The following NBAS variants were observed in gnomAD, a reference collection of about 807,000 sequenced individuals.
NBAS encodes NAG/BC035112 fusion.
Under a neutral mutation model 302.5 loss-of-function variants are expected in NBAS, and 219 were observed. That is an observed-to-expected ratio of 0.72 (90% CI 0.65 to 0.81). The LOEUF (loss-of-function observed/expected upper bound fraction) is 0.81, where lower values mean the gene tolerates loss of function less well. Ranked by LOEUF, NBAS falls within the 30% of genes least tolerant of loss-of-function variation. The probability of loss-of-function intolerance (pLI) is 0.00; values close to 1 mark genes in which losing one functional copy is unlikely to be tolerated. For missense variants in NBAS, 2,932 were observed against 2,841.6 expected (o/e 1.03, Z -0.72); for synonymous variants, 1,118 against 1,021.6 (o/e 1.09, Z -1.80).
At chr2:15,512,662 G>A (rs1005183500) in intron 9 of NBAS, among the ~76,000 whole-genome samples, 11 of 152,214 alleles carry the variant, frequency 7.2e-5, no homozygotes, top group African/African-American at 2.4e-4. Context: ...CCTGGCCACC[G>A]CTGGCTTTGA....
the NBAS span, among the ~76,000 whole-genome samples, chr2:14,851,543 C>G: frequency 3.7e-5 from 5 of 133,580 alleles, no homozygotes; most frequent in South Asian, 2.3e-4. Flanking sequence ...CTATTCCAAT[C>G]AATAGAAAAA....
chr2:14,895,739 C>CAAAAAAAAAAAAAAAAAAAAAAAAAAA, the NBAS span, among the ~76,000 whole-genome samples: 15 of 95,484 alleles, frequency 1.6e-4, no homozygotes, highest in Non-Finnish European at 2.0e-4. Flanking sequence ...GACTCCGTCT[C>CAAAAAAAAAAAAAAAAAAAAAAAAAAA]AAAAAAAAAA....
chr2:15,232,624 T>G, intron 46 of NBAS, 113 bp from the exon 47 acceptor site: 1 of 847,316 alleles, frequency 1.2e-6, no homozygotes, highest in Non-Finnish European at 1.9e-6. Flanking sequence ...GTATACTGCC[T>G]GCCCATAGTC....
chr2:15,477,983 C>T (rs1029201636), intron 13 of NBAS, among the ~76,000 whole-genome samples: 7 of 152,160 alleles, frequency 4.6e-5, no homozygotes, highest in African/African-American at 1.2e-4. Context: ...AAAAGGAGCA[C>T]GCTTCTAAGC....
chr2:14,996,371 G>A, the NBAS span, among the ~76,000 whole-genome samples: 10 of 152,264 alleles, frequency 6.6e-5, no homozygotes, highest in South Asian at 2.1e-3. Flanking sequence ...CTAGGGGTGT[G>A]ACAGAACTTA....
rs151194016 is a variant in NBAS, at chr2:15,516,040, C to T, written c.747-4690G>A. Among the ~76,000 whole-genome samples the T allele has an allele frequency of 1.8e-4, 28 of 152,200 alleles. No individual in the cohort carries two copies. In the East Asian group the frequency reaches 3.1e-3, roughly 17 times the overall value. Reference sequence around the variant, plus strand: ...AAAGGTGGGGTCACACTGTTTAAAACGGACAAAACAATGCTAAGCCAAGAA... The same window carrying T: ...AAAGGTGGGGTCACACTGTTTAAAATGGACAAAACAATGCTAAGCCAAGAA... On this transcript the variant is annotated intron_variant, in intron 9 of 51. Transcript: ENST00000281513.
At chr2:15,471,851 C>T (rs932375659) in intron 16 of NBAS, among the ~76,000 whole-genome samples, 7 of 152,064 alleles carry the variant, frequency 4.6e-5, no homozygotes, top group African/African-American at 1.7e-4. Context: ...AGGAGAGTGC[C>T]CTCACCAGGA....
intron 6 of NBAS, among the ~76,000 whole-genome samples, chr2:15,542,804 T>G (rs1385792628): frequency 6.6e-6 from 1 of 152,242 alleles, no homozygotes; most frequent in Non-Finnish European, 1.5e-5. Context: ...CACTACCATG[T>G]GATAACAGAT....
Position 15,535,269 on chromosome 2 carries a change from C to A in NBAS, c.648-628G>T, listed in dbSNP as rs145749254. Among the ~76,000 whole-genome samples, 722 of 152,224 alleles carry A rather than the reference C, an allele frequency of 4.7e-3. 8 individuals are homozygous for A. Among genetic ancestry groups the A allele is most frequent in the African/African-American group, 0.016 (671 of 41,544 alleles). On this transcript the variant is annotated intron_variant, in intron 8 of 51. Coordinates refer to ENST00000281513, the MANE Select transcript of NBAS (RefSeq NM_015909.4). Reference sequence around the variant, plus strand: ...AGGCGCAGTGGCTCACGCCTGTTATCCCAGCACTTTGGGAGGCCGAGGCGG... The same window carrying A: ...AGGCGCAGTGGCTCACGCCTGTTATACCAGCACTTTGGGAGGCCGAGGCGG...
At position 15,542,002 on chromosome 2, in the gene NBAS, T is replaced by TG. The variant is rs1373828896; in HGVS notation, c.380-2647dup. ...CCAGCCACCCCGTCCGGGAGGGAGG[T>TG]GGGGGGGTTCAGCCCCCCGCCCGGC... On this transcript the variant is annotated intron_variant, in intron 6 of 51. Coordinates refer to ENST00000281513, the MANE Select transcript of NBAS (RefSeq NM_015909.4). Among the ~76,000 whole-genome samples, 3 of 66,842 alleles carry TG rather than the reference T, an allele frequency of 4.5e-5. 1 individual carries two copies. Among genetic ancestry groups the TG allele is most frequent in the Non-Finnish European group, 6.8e-5 (2 of 29,220 alleles). 43.9% of individuals were successfully genotyped at this position (66,842 alleles called of 152,430 possible). A position where few individuals can be genotyped will look rare whatever the true frequency, so the allele number is the denominator to read the frequency against.
the NBAS span, among the ~76,000 whole-genome samples, chr2:14,884,427 G>C: frequency 6.6e-6 from 1 of 152,022 alleles, no homozygotes. Context: ...ACACTTCCTG[G>C]AACCTGGCCA....
intron 11 of NBAS, among the ~76,000 whole-genome samples, chr2:15,498,267 G>A (rs1385862207): frequency 1.3e-5 from 2 of 152,048 alleles, no homozygotes; most frequent in Non-Finnish European, 2.9e-5. Context: ...ACCTCACTTA[G>A]TTTTTCTAAT....
chr2:14,804,904 C>G, the NBAS span, among the ~76,000 whole-genome samples: 2 of 152,156 alleles, frequency 1.3e-5, no homozygotes, highest in Non-Finnish European at 2.9e-5. Context: ...TTATCAGCAT[C>G]CTTGTTTCCC....
At chr2:15,010,256 C>G in the NBAS span, among the ~76,000 whole-genome samples, 1 of 151,850 alleles carries the variant, frequency 6.6e-6, no homozygotes, top group African/African-American at 2.4e-5. Context: ...ATTTTTGGAC[C>G]AGATGATATG....
the NBAS span, among the ~76,000 whole-genome samples, chr2:15,123,883 G>C: frequency 6.6e-6 from 1 of 152,176 alleles, no homozygotes; most frequent in South Asian, 2.1e-4. Flanking sequence ...GAAGAGTAGG[G>C]CATTGCTGTA....
At chr2:15,252,167 G>T (rs888585414) in intron 44 of NBAS, among the ~76,000 whole-genome samples, 1 of 152,156 alleles carries the variant, frequency 6.6e-6, no homozygotes, top group South Asian at 2.1e-4. Flanking sequence ...CTACTTCACC[G>T]CTGTGAAATC....
chr2:14,966,742 G>C, the NBAS span, among the ~76,000 whole-genome samples: 5 of 152,294 alleles, frequency 3.3e-5, no homozygotes, highest in African/African-American at 1.2e-4. Flanking sequence ...CCAGTAGCAA[G>C]ACAGGGCTGT....
intron 1 of NBAS, 51 bp downstream of exon 1, chr2:15,561,137 C>G: frequency 6.4e-7 from 1 of 1,559,466 alleles, no homozygotes; most frequent in Non-Finnish European, 8.8e-7. Flanking sequence ...TGGCTCTACC[C>G]ACGAAGCGCC....
chr2:15,402,086 T>G, intron 26 of NBAS, 82 bp downstream of exon 26: 1 of 1,482,366 alleles, frequency 6.7e-7, no homozygotes, highest in East Asian at 2.3e-5. Context: ...TTCTCTAAGG[T>G]AAGCATTTGG....
Sources: allele counts gnomAD v4.1 joint callset (sites outside exome capture counted in the v4.1 genomes callset), GRCh38; gene constraint gnomAD v4.1.1; transcripts MANE v1.5; gene names NCBI Gene and HGNC (gene_info 2026-07-23, HGNC 2026-07-21).